Variants in KLHL2 observed in about 807,000 individuals in gnomAD.
The protein encoded by KLHL2 is kelch-like protein 2.
A neutral mutation model predicts 75.8 loss-of-function variants in KLHL2; 15 were observed. The observed-to-expected ratio is 0.20, with a 90% CI of 0.13 to 0.30. KLHL2 has a LOEUF of 0.30. Ranked by LOEUF, KLHL2 falls within the 10% of genes least tolerant of loss-of-function variation. KLHL2 has a pLI of 1.00. For synonymous variants in KLHL2, 214 were observed against 251.9 expected (o/e 0.85, Z 1.42); for missense variants, 381 against 741.0 (o/e 0.51, Z 5.64).
intron 5 of KLHL2, among the ~76,000 whole-genome samples, chr4:165,281,617 G>A (rs192681769): frequency 3.3e-5 from 5 of 152,254 alleles, no homozygotes; most frequent in Admixed American, 3.3e-4. Flanking sequence ...GCCCAGCCCT[G>A]ATGCTCTCTC....
chr4:165,308,953 C>T (rs560349893), intron 9 of KLHL2, among the ~76,000 whole-genome samples: 185 of 152,164 alleles, frequency 1.2e-3, no homozygotes, highest in Non-Finnish European at 2.2e-3. Flanking sequence ...TGTATTTTTA[C>T]AGGGGTGGGG....
chr4:165,308,796 T>C (rs890928215), intron 9 of KLHL2, among the ~76,000 whole-genome samples: 1 of 152,230 alleles, frequency 6.6e-6, no homozygotes, highest in Non-Finnish European at 1.5e-5. Context: ...TGTTTCATGC[T>C]GAAACATGCT....
Position 165,299,612 on chromosome 4 carries a change from A to T in KLHL2, c.877A>T (p.Lys293Ter). ...LLPTEQRILM[K>*]SVRTRLRTPM... ...GCCAACAGAGCAGCGTATATTAATG[A>T]AGAGTGTCCGGACCCGGCTGAGGAC... The change falls in exon 8 of 15, where the codon AAG becomes TAG. Residue 293 changes from lysine to a stop codon, truncating the protein, a stop_gained. Transcript: ENST00000226725. LOFTEE classifies it high-confidence loss of function. 1 of 1,613,836 alleles carries T rather than the reference A, an allele frequency of 6.2e-7. No individual in the cohort carries two copies. The highest frequency in any genetic ancestry group is 8.5e-7 in the Non-Finnish European group (1 of 1,179,948).
At chr4:165,306,972 G>A (rs1745776466) in intron 9 of KLHL2, among the ~76,000 whole-genome samples, 1 of 152,102 alleles carries the variant, frequency 6.6e-6, no homozygotes, top group Non-Finnish European at 1.5e-5. Flanking sequence ...TTATCTATAT[G>A]TGCGTGTGAG....
chr4:165,315,402 C>T (rs188638640), intron 13 of KLHL2, among the ~76,000 whole-genome samples: 1 of 152,210 alleles, frequency 6.6e-6, no homozygotes, highest in Admixed American at 6.5e-5. Context: ...AGGAAAAAGA[C>T]GTAAGTCTCT....
intron 13 of KLHL2, 64 bp downstream of exon 13, chr4:165,314,230 C>T (rs1160913989): frequency 7.2e-7 from 1 of 1,379,744 alleles, no homozygotes; most frequent in East Asian, 2.3e-5. Context: ...ACTGGTATCA[C>T]TCTATCAATG....
At chr4:165,298,136 G>A (rs769123548) in intron 7 of KLHL2, among the ~76,000 whole-genome samples, 8 of 152,102 alleles carry the variant, frequency 5.3e-5, no homozygotes, top group Middle Eastern at 3.2e-3. Context: ...ACCATTCCCC[G>A]TTCTTAGAAA....
At chr4:165,286,261 T>C (rs1744085654) in intron 5 of KLHL2, among the ~76,000 whole-genome samples, 1 of 152,118 alleles carries the variant, frequency 6.6e-6, no homozygotes, top group Non-Finnish European at 1.5e-5. Context: ...TCATGGTGTA[T>C]GGGTGGCTCT....
In KLHL2 at chr4:165,220,022, A is replaced by G. The variant is rs1476767083; in HGVS notation, c.115A>G (p.Met39Val). 8.7e-6 allele frequency: 14 copies of G among 1,611,900 alleles called. No homozygotes were observed. The highest frequency in any genetic ancestry group is 1.3e-5 in the African/African-American group (1 of 74,784). ...HCPVTVNPWHMKKAFKVMNEL... is the reference protein window; with the variant it reads ...HCPVTVNPWHVKKAFKVMNEL... Reference sequence around the variant, plus strand: ...CCCAGTGACAGTGAATCCTTGGCATATGAAGAAAGCTTTCAAAGTCATGAA... The same window carrying G: ...CCCAGTGACAGTGAATCCTTGGCATGTGAAGAAAGCTTTCAAAGTCATGAA... Residue 39 changes from methionine to valine, a missense_variant, in exon 2 of 15, where the codon ATG becomes GTG. Transcript: ENST00000226725.
rs1746788573 is a variant in KLHL2 at position 165,319,111 on chromosome 4, G to C, written c.1753+1142G>C. Among the ~76,000 whole-genome samples the C allele has an allele frequency of 6.6e-6, 1 of 152,126 alleles. No individual in the cohort carries two copies. Among genetic ancestry groups the C allele is most frequent in the South Asian group, 2.1e-4 (1 of 4,830 alleles). On this transcript the variant is annotated intron_variant, in intron 14 of 14. Transcript: ENST00000226725. The surrounding 1 kb of genome is among the most constrained non-coding windows in gnomAD (Gnocchi z 4.5). ...ATGAAATTAACTGTAGTATGTTACT[G>C]TACTACTATAATAATTTTATAGCCG...
intron 8 of KLHL2, 100 bp from the exon 9 acceptor site, chr4:165,305,505 ATCT>A: frequency 1.1e-6 from 1 of 909,934 alleles, no homozygotes. Flanking sequence ...TCACCCTATC[ATCT>A]TCATCCTAAC....
At chr4:165,244,110 C>A (rs1211114553) in intron 4 of KLHL2, among the ~76,000 whole-genome samples, 1 of 152,054 alleles carries the variant, frequency 6.6e-6, no homozygotes, top group Non-Finnish European at 1.5e-5. Context: ...AATGCAAAAT[C>A]TTCTATGAAT....
chr4:165,261,527 T>C (rs1741674178), intron 4 of KLHL2, among the ~76,000 whole-genome samples: 1 of 152,016 alleles, frequency 6.6e-6, no homozygotes. Flanking sequence ...TTTGAGTAGA[T>C]TGGGCTTTCA....
chr4:165,208,903 C>T (rs1258519803), intron 1 of KLHL2, among the ~76,000 whole-genome samples: 1 of 152,180 alleles, frequency 6.6e-6, no homozygotes, highest in Non-Finnish European at 1.5e-5. Flanking sequence ...GCCGATTGTA[C>T]CGCACCAGTC....
chr4:165,293,116 C>T (rs150403990), intron 5 of KLHL2, among the ~76,000 whole-genome samples: 108 of 152,256 alleles, frequency 7.1e-4, no homozygotes, highest in African/African-American at 2.4e-3. Flanking sequence ...TGTCTGAATC[C>T]GCAGCCCAAA....
Position 165,260,585 on chromosome 4 carries a change from G to A in KLHL2, c.382-2612G>A, listed in dbSNP as rs188084657. On this transcript the variant is annotated intron_variant, in intron 4 of 14. Transcript: ENST00000226725. ...ACATATATGTGTGTGTGTGGGGGGG[G>A]TGTATATGTTAGCATAATATACCAA... Among the ~76,000 whole-genome samples the A allele has an allele frequency of 2.2e-3, 340 of 152,016 alleles. 3 individuals are homozygous for A. The highest frequency in any genetic ancestry group is 1.2e-3 in the Non-Finnish European group (81 of 67,990).
chr4:165,270,380 A>G (rs1424859403), intron 5 of KLHL2, among the ~76,000 whole-genome samples: 1 of 152,152 alleles, frequency 6.6e-6, no homozygotes, highest in Non-Finnish European at 1.5e-5. Context: ...AGGAGCTGCG[A>G]TCCTTTGAAG....
intron 6 of KLHL2, among the ~76,000 whole-genome samples, chr4:165,295,352 TA>T (rs1384275688): frequency 6.6e-6 from 1 of 152,220 alleles, no homozygotes; most frequent in African/African-American, 2.4e-5. Context: ...TTTACAGTAT[TA>T]AAAAATGTGA....
intron 13 of KLHL2, among the ~76,000 whole-genome samples, chr4:165,316,921 G>GTA (rs1363523944): frequency 6.6e-6 from 1 of 152,094 alleles, no homozygotes; most frequent in Non-Finnish European, 1.5e-5. Context: ...AAGTGTCTGA[G>GTA]TATATATGCA....
Sources: gnomAD v4.1 joint callset for allele counts (sites outside exome capture counted in the v4.1 genomes callset) on GRCh38, gnomAD v4.1.1 for gene constraint, Gnocchi (gnomAD v3.1) non-coding constraint, MANE v1.5 for transcripts, NCBI Gene and HGNC (gene_info 2026-07-23, HGNC 2026-07-21) for gene names.